DIP2C: variants seen among roughly 807,000 people sequenced by gnomAD.
The protein encoded by DIP2C is disco-interacting protein 2 homolog C.
A neutral mutation model predicts 192.4 loss-of-function variants in DIP2C; 33 were observed. That is an observed-to-expected ratio of 0.17 (90% CI 0.13 to 0.23). The LOEUF (loss-of-function observed/expected upper bound fraction) is 0.23, where lower values mean the gene tolerates loss of function less well. DIP2C is among the 10% of genes least tolerant of loss of function. The probability of loss-of-function intolerance (pLI) is 1.00; values close to 1 mark genes in which losing one functional copy is unlikely to be tolerated. For synonymous variants in DIP2C, 979 were observed against 864.1 expected, an observed-to-expected ratio of 1.13 and a Z score of -2.33; for missense variants, 1,537 against 2,110.1, an observed-to-expected ratio of 0.73 and a Z score of 5.32.
At chr10:514,654 T>TCA (rs1000871096) in intron 1 of DIP2C, among the ~76,000 whole-genome samples, 10 of 151,772 alleles carry the variant, frequency 6.6e-5, no homozygotes, top group African/African-American at 1.7e-4. Context: ...ACACCGACCC[T>TCA]CACCACTGCT....
intron 1 of DIP2C, among the ~76,000 whole-genome samples, chr10:599,748 T>C (rs1588562178): frequency 7.8e-6 from 1 of 128,864 alleles, no homozygotes; most frequent in South Asian, 2.3e-4. Context: ...ACGGGCCCTT[T>C]TTTAAGATTC....
At chr10:430,564 T>C (rs906413436) in intron 4 of DIP2C, 3 of 152,238 alleles carry the variant, frequency 2.0e-5, no homozygotes, top group African/African-American at 7.2e-5. Context: ...GAGTTCCTTG[T>C]ATATTTCAAA....
Position 390,363 on chromosome 10 carries a change from C to G in DIP2C, c.1395G>C (p.Lys465Asn). ...GEIPQFKGWP[K>N]LLWFVTESKH... Reference sequence around the variant, plus strand: ...TAGACTCTGTGACAAACCACAGCAGCTTTGGCCAACCTTGGAAATAAACAA... The same window carrying G: ...TAGACTCTGTGACAAACCACAGCAGGTTTGGCCAACCTTGGAAATAAACAA... The change falls in exon 12 of 37, where the codon AAG becomes AAC. Residue 465 changes from lysine to asparagine, a missense_variant. Lys to Asn is a moderately conservative substitution (Grantham distance 94, BLOSUM62 0). Coordinates refer to ENST00000280886, the MANE Select transcript of DIP2C (RefSeq NM_014974.3). 1 of 1,613,908 alleles carries G rather than the reference C, an allele frequency of 6.2e-7. No homozygotes were observed. The highest frequency in any genetic ancestry group is 8.5e-7 in the Non-Finnish European group (1 of 1,179,986).
rs1249301602 is a variant in DIP2C at position 608,137 on chromosome 10, ACACAGCCCCCCCACACACACCCC to A, written c.85+81334_85+81356del. On this transcript the variant is annotated intron_variant, in intron 1 of 36. Transcript: ENST00000280886. The stretch of plus-strand genomic sequence containing the variant: ...CACCACACACACAGCCCCAACACAC[ACACAGCCCCCCCACACACACCCC>A]CACAGCCCCCCCCACACACACCCCA... Among the ~76,000 whole-genome samples, 311 of 99,022 alleles carry A rather than the reference ACACAGCCCCCCCACACACACCCC, an allele frequency of 3.1e-3. 1 individual carries two copies. Among genetic ancestry groups the A allele is most frequent in the Middle Eastern group, 5.3e-3 (1 of 190 alleles). The allele number at this position is 99,022 out of a possible 152,430, so 65.0% of individuals were successfully genotyped here.
At chr10:318,438 G>C (rs1194668217) in intron 31 of DIP2C, among the ~76,000 whole-genome samples, 1 of 152,172 alleles carries the variant, frequency 6.6e-6, no homozygotes, top group Non-Finnish European at 1.5e-5. Flanking sequence ...ATGCTGGTGG[G>C]GAAGTCTCGT....
chr10:564,619 CCT>C (rs150533160), intron 1 of DIP2C, among the ~76,000 whole-genome samples: 19,351 of 152,106 alleles, frequency 0.13, 1,657 homozygotes, highest in African/African-American at 0.24. Context: ...CTCCTTTTGA[CCT>C]CTGTTTCCTC....
intron 1 of DIP2C, among the ~76,000 whole-genome samples, chr10:589,651 G>A (rs1015952861): frequency 6.6e-6 from 1 of 152,148 alleles, no homozygotes; most frequent in African/African-American, 2.4e-5. Context: ...TGTCCCTCCT[G>A]AGCATAATTT....
chr10:518,746 G>C (rs1289579306), intron 1 of DIP2C, among the ~76,000 whole-genome samples: 2 of 152,200 alleles, frequency 1.3e-5, no homozygotes, highest in African/African-American at 4.8e-5. Flanking sequence ...TTAGCTGCCT[G>C]AGACGACAAT....
intron 2 of DIP2C, among the ~76,000 whole-genome samples, chr10:482,803 G>A (rs1247349154): frequency 1.3e-5 from 2 of 152,182 alleles, no homozygotes; most frequent in African/African-American, 4.8e-5. Flanking sequence ...GAGGCTGCCA[G>A]GCAGTGGATT....
chr10:318,340 C>T (rs1349267070), intron 31 of DIP2C, among the ~76,000 whole-genome samples: 6 of 152,184 alleles, frequency 3.9e-5, no homozygotes, highest in Non-Finnish European at 8.8e-5. Context: ...GACGATCAAC[C>T]AGTCACATCC....
At chr10:480,671 CT>C (rs1338985700) in intron 2 of DIP2C, among the ~76,000 whole-genome samples, 1 of 152,224 alleles carries the variant, frequency 6.6e-6, no homozygotes, top group African/African-American at 2.4e-5. Flanking sequence ...GCTGCACTCC[CT>C]CCATAGCGGC....
intron 3 of DIP2C, among the ~76,000 whole-genome samples, chr10:465,791 G>A (rs1262080527): frequency 2.0e-5 from 3 of 151,438 alleles, no homozygotes; most frequent in African/African-American, 4.8e-5. Context: ...ATTCACAATT[G>A]CTTCAAAGAG....
At chr10:311,889 G>A (rs1157552889) in intron 31 of DIP2C, among the ~76,000 whole-genome samples, 1 of 152,140 alleles carries the variant, frequency 6.6e-6, no homozygotes, top group Non-Finnish European at 1.5e-5. Context: ...GTAAATGGTG[G>A]CACTGCACCG....
chr10:318,806 G>T (rs1956881914), intron 31 of DIP2C, among the ~76,000 whole-genome samples: 1 of 152,100 alleles, frequency 6.6e-6, no homozygotes, highest in Non-Finnish European at 1.5e-5. Flanking sequence ...AGCAGTGTAG[G>T]GGGACAAGGA....
rs1411433446 is a variant in DIP2C, at chr10:651,901, G to A, written c.85+37593C>T. The A allele has an allele frequency of 3.9e-5, 7 of 180,156 alleles. No individual in the cohort carries two copies. Among genetic ancestry groups the A allele is most frequent in the East Asian group, 1.6e-4 (1 of 6,154 alleles). The allele number at this position is 180,156 out of a possible 1,614,324, so 11.2% of individuals were successfully genotyped here. A position where few individuals can be genotyped will look rare whatever the true frequency, so the allele number is the denominator to read the frequency against. ...ACGGCCTCGCTGTACTCAGGGAGTC[G>A]GTTCCAGGACCCCATGGACACCAAA... On this transcript the variant is annotated intron_variant, in intron 1 of 36. Coordinates refer to ENST00000280886, the MANE Select transcript of DIP2C (RefSeq NM_014974.3). This position sits in a 1 kb window ranked among gnomAD's most constrained non-coding sequence, Gnocchi z 4.1.
At chr10:599,473 G>C (rs1172344349) in intron 1 of DIP2C, among the ~76,000 whole-genome samples, 2 of 152,202 alleles carry the variant, frequency 1.3e-5, no homozygotes, top group African/African-American at 4.8e-5. Flanking sequence ...CAAGTTCCAT[G>C]GAAGTATAAT....
At chr10:587,505 A>ACAGTC (rs761934817) in intron 1 of DIP2C, among the ~76,000 whole-genome samples, 17 of 152,182 alleles carry the variant, frequency 1.1e-4, no homozygotes, top group Non-Finnish European at 2.2e-4. Flanking sequence ...CCCCAAACCT[A>ACAGTC]CAGTCCTATA....
intron 1 of DIP2C, among the ~76,000 whole-genome samples, chr10:541,072 CTGGGGAGCCACAACACCCGAT>C: frequency 7.7e-6 from 1 of 130,268 alleles, no homozygotes; most frequent in East Asian, 2.3e-4. Context: ...ACACCCGATG[CTGGGGAGCCACAACACCCGAT>C]GCTGGGGAGC....
chr10:539,223 G>A (rs1035880541), intron 1 of DIP2C, among the ~76,000 whole-genome samples: 6 of 152,126 alleles, frequency 3.9e-5, no homozygotes, highest in African/African-American at 1.2e-4. Context: ...TGCTGTATTC[G>A]ATTCTTAAAT....
Sources: allele counts gnomAD v4.1 joint callset (sites outside exome capture counted in the v4.1 genomes callset), GRCh38; gene constraint gnomAD v4.1.1; non-coding constraint Gnocchi (gnomAD v3.1); transcripts MANE v1.5; gene names NCBI Gene and HGNC (gene_info 2026-07-23, HGNC 2026-07-21).